The following ZZEF1 variants were observed in gnomAD, a reference collection of about 807,000 sequenced individuals.
ZZEF1 encodes the protein zinc finger ZZ-type and EF-hand domain-containing protein 1.
In ZZEF1, 157 loss-of-function variants were observed where a neutral mutation model predicts 342.8. That is an observed-to-expected ratio of 0.46 (90% confidence interval 0.40 to 0.52). The LOEUF (loss-of-function observed/expected upper bound fraction) is 0.52, where lower values mean the gene tolerates loss of function less well. Among genes scored for constraint, ZZEF1 ranks in the 20% least tolerant of loss-of-function variants. ZZEF1 has a pLI of 0.00. For synonymous variants in ZZEF1, 1,505 were observed against 1,429.1 expected, an observed-to-expected ratio of 1.05 and a Z score of -1.20; for missense variants, 3,480 against 3,725.6, an observed-to-expected ratio of 0.93 and a Z score of 1.72.
At chr17:4,121,445 G>A (rs1306569074) in intron 2 of ZZEF1, among the ~76,000 whole-genome samples, 2 of 152,132 alleles carry the variant, frequency 1.3e-5, no homozygotes, top group Non-Finnish European at 2.9e-5. Context: ...GGCCAATATG[G>A]TGAAACCCCA....
chr17:4,059,167 G>C lies in ZZEF1; in HGVS notation c.5003+4C>G. 22 of 1,580,346 alleles carry C rather than the reference G, an allele frequency of 1.4e-5. No homozygotes were observed. The highest frequency in any genetic ancestry group is 1.9e-5 in the Non-Finnish European group (22 of 1,171,926). On this transcript the variant is annotated splice_donor_region_variant and intron_variant, in intron 31 of 54. Transcript: ENST00000381638. ...TCTCTAGAAATGATAAAGTTATCCAGTACCTGTCATTTAGGCTACTAAATC... is the reference window on the plus strand; with the variant it reads ...TCTCTAGAAATGATAAAGTTATCCACTACCTGTCATTTAGGCTACTAAATC...
At chr17:4,041,969 C>T (rs1567786760) in intron 39 of ZZEF1, among the ~76,000 whole-genome samples, 1 of 151,718 alleles carries the variant, frequency 6.6e-6, no homozygotes, top group Non-Finnish European at 1.5e-5. Context: ...TCTATCAATG[C>T]TAAAAACTGT....
chr17:4,052,843 A>G (rs1222773058), intron 34 of ZZEF1, among the ~76,000 whole-genome samples: 1 of 141,568 alleles, frequency 7.1e-6, no homozygotes, highest in African/African-American at 2.8e-5. Flanking sequence ...CTCTAGCCTG[A>G]GGGACAGAGT....
At chr17:4,061,587 G>A (rs1470447200) in intron 30 of ZZEF1, among the ~76,000 whole-genome samples, 1 of 152,038 alleles carries the variant, frequency 6.6e-6, no homozygotes, top group Admixed American at 6.6e-5. Context: ...AAGATTTCCA[G>A]CTTAACGTGG....
chr17:4,062,005 C>T (rs1280971118), intron 30 of ZZEF1, among the ~76,000 whole-genome samples: 2 of 152,150 alleles, frequency 1.3e-5, no homozygotes, highest in African/African-American at 2.4e-5. Context: ...GGTATAACAT[C>T]GAAATACTTT....
chr17:4,049,470 GCCACTGCACT>G (rs2056997874), intron 37 of ZZEF1, among the ~76,000 whole-genome samples: 2 of 152,108 alleles, frequency 1.3e-5, no homozygotes, highest in Admixed American at 6.5e-5. Context: ...CCAAGATCAC[GCCACTGCACT>G]CCAGCCTGGG....
intron 52 of ZZEF1, among the ~76,000 whole-genome samples, chr17:4,011,427 T>C (rs1420028808): frequency 6.6e-6 from 1 of 151,896 alleles, no homozygotes; most frequent in Admixed American, 6.6e-5. Context: ...TAACGATGAC[T>C]ACCATTGTTA....
rs1179743466 is a variant in ZZEF1, at chr17:4,027,286, CTTTTT to C, written c.6893-2173_6893-2169del. ...GACCTACGCACCCAGCAATATCTCA[CTTTTT>C]TTTTTTTTTTTTTTTTTTTTTGAGA... On this transcript the variant is annotated intron_variant, in intron 42 of 54. Transcript: ENST00000381638. Among the ~76,000 whole-genome samples the C allele has an allele frequency of 9.1e-3, 620 of 67,974 alleles. 10 individuals carry two copies. The highest frequency in any genetic ancestry group is 0.039 in the African/African-American group (579 of 14,904). 44.6% of individuals were successfully genotyped at this position (67,974 alleles called of 152,430 possible).
chr17:4,076,307 G>A (rs982778998), intron 21 of ZZEF1: 33 of 156,386 alleles, frequency 2.1e-4, no homozygotes, highest in Non-Finnish European at 3.8e-4. Context: ...AATTTTTTTT[G>A]TATTTTTAGT....
chr17:4,142,490 C>T (rs2058876082), intron 1 of ZZEF1, 52 bp downstream of exon 1: 5 of 1,568,486 alleles, frequency 3.2e-6, no homozygotes, highest in East Asian at 2.3e-5. Context: ...TCCTTCAGTC[C>T]CCTGGGGGCG....
At chr17:4,039,829 T>A (rs948980800) in intron 39 of ZZEF1, among the ~76,000 whole-genome samples, 7 of 151,570 alleles carry the variant, frequency 4.6e-5, no homozygotes, top group South Asian at 2.1e-4. Flanking sequence ...TATTTTTAGT[T>A]GAGATGGGGT....
chr17:4,033,506 T>C, intron 40 of ZZEF1: 1 of 166,400 alleles, frequency 6.0e-6, no homozygotes, highest in Non-Finnish European at 1.3e-5. Flanking sequence ...CGCCACCATG[T>C]CCGGCTAATT....
Position 4,058,080 on chromosome 17 carries a change from A to C in ZZEF1, c.5079T>G (p.Asp1693Glu), listed in dbSNP as rs1453827403. Residue 1693 changes from aspartate (D) to glutamate (E), a missense_variant, in exon 32 of 55, where the codon GAT becomes GAG. Physicochemically the swap from Asp to Glu is conservative, Grantham distance 45 (BLOSUM62 2). This residue lies in a region of ZZEF1 where 1,528 missense variants were observed against 1,624.1 expected (regional missense o/e 0.94). Coordinates refer to ENST00000381638, the MANE Select transcript of ZZEF1 (RefSeq NM_015113.4). ...HLLDMGWEPN[D>E]LAFFVDIQLP... ...ACTGAATATCAACAAAGAAGGCGAG[A>C]TCATTGGGTTCCCAGCCCATATCCA... The C allele has an allele frequency of 6.2e-7, 1 of 1,614,162 alleles. No individual in the cohort carries two copies. The highest frequency in any genetic ancestry group is 8.5e-7 in the Non-Finnish European group (1 of 1,180,004).
At chr17:4,068,811 G>A (rs1460845242) in intron 26 of ZZEF1, among the ~76,000 whole-genome samples, 1 of 151,994 alleles carries the variant, frequency 6.6e-6, no homozygotes. Flanking sequence ...TTATATTCAA[G>A]TTGAAAAACT....
intron 33 of ZZEF1, among the ~76,000 whole-genome samples, chr17:4,054,888 G>A (rs1041916194): frequency 6.6e-6 from 1 of 152,170 alleles, no homozygotes; most frequent in African/African-American, 2.4e-5. Context: ...TAGGCGGGAT[G>A]GTGAAAGGTG....
At chr17:4,081,325 G>T (rs75719371) in intron 18 of ZZEF1, 51 bp downstream of exon 18, 1 of 1,462,278 alleles carries the variant, frequency 6.8e-7, no homozygotes, top group South Asian at 1.1e-5. Flanking sequence ...GCCACATCAC[G>T]TGCCCCCACA....
intron 11 of ZZEF1, among the ~76,000 whole-genome samples, chr17:4,092,825 C>G (rs556139840): frequency 2.0e-5 from 3 of 152,206 alleles, no homozygotes; most frequent in Non-Finnish European, 4.4e-5. Context: ...GAGAAGCAAT[C>G]TTGTTCCCTA....
At chr17:4,116,376 T>C (rs894744814) in intron 3 of ZZEF1, among the ~76,000 whole-genome samples, 33 of 152,256 alleles carry the variant, frequency 2.2e-4, no homozygotes, top group African/African-American at 2.9e-4. Flanking sequence ...ACTCCATCTG[T>C]TGGAAGTTCA....
intron 16 of ZZEF1, among the ~76,000 whole-genome samples, chr17:4,083,213 T>G (rs985399477): frequency 2.0e-5 from 3 of 152,368 alleles, no homozygotes; most frequent in Non-Finnish European, 2.9e-5. Context: ...GGCAGTGCTA[T>G]TTAACTTCTC....
Sources: allele counts gnomAD v4.1 joint callset (sites outside exome capture counted in the v4.1 genomes callset), GRCh38; gene constraint gnomAD v4.1.1; regional missense constraint gnomAD v4.1.1; transcripts MANE v1.5; gene names NCBI Gene and HGNC (gene_info 2026-07-23, HGNC 2026-07-21).